DTNA: variants seen among roughly 807,000 people sequenced by gnomAD.
DTNA encodes the protein dystrophin-related protein 3.
In DTNA, 43 loss-of-function variants were observed where a neutral mutation model predicts 100.7. The observed-to-expected ratio is 0.43, with a 90% CI of 0.33 to 0.55. The LOEUF (loss-of-function observed/expected upper bound fraction) is 0.55. DTNA is among the 20% of genes least tolerant of loss of function. The pLI, the probability that DTNA is intolerant of heterozygous loss-of-function variation, is 0.04. For missense variants in DTNA, 798 were observed against 953.9 expected, an observed-to-expected ratio of 0.84 and a Z score of 2.15; for synonymous variants, 349 against 347.9, an observed-to-expected ratio of 1.00 and a Z score of -0.04.
chr18:34,798,501 C>G (rs1030351705), intron 4 of DTNA, among the ~76,000 whole-genome samples: 2 of 152,164 alleles, frequency 1.3e-5, no homozygotes, highest in African/African-American at 4.8e-5. Flanking sequence ...CTCACCTTCT[C>G]CCTGCTTCCC....
chr18:34,764,086 G>C (rs1302133250), intron 2 of DTNA, among the ~76,000 whole-genome samples: 1 of 152,146 alleles, frequency 6.6e-6, no homozygotes, highest in Non-Finnish European at 1.5e-5. Context: ...ATAGGTTGAA[G>C]TTACAGGGAG....
chr18:34,753,880 G>A (rs1353509322), intron 1 of DTNA, among the ~76,000 whole-genome samples: 1 of 152,138 alleles, frequency 6.6e-6, no homozygotes, highest in Non-Finnish European at 1.5e-5. Flanking sequence ...AGGAGATGAG[G>A]TTATATGAAT....
At chr18:34,653,105 T>G (rs537197266) in intron 1 of DTNA, among the ~76,000 whole-genome samples, 2 of 152,298 alleles carry the variant, frequency 1.3e-5, no homozygotes, top group South Asian at 4.1e-4. Context: ...GAATAGTATG[T>G]TTTTACAGAT....
chr18:34,510,024 A>C (rs192324056), intron 1 of DTNA, among the ~76,000 whole-genome samples: 4 of 151,676 alleles, frequency 2.6e-5, no homozygotes, highest in Admixed American at 1.3e-4. Context: ...ATAGTAGTTT[A>C]AGGGATAAAA....
intron 2 of DTNA, among the ~76,000 whole-genome samples, chr18:34,756,732 G>A (rs1349126986): frequency 6.6e-6 from 1 of 152,204 alleles, no homozygotes; most frequent in Non-Finnish European, 1.5e-5. Context: ...TGCTGTATAA[G>A]TAATTGGTTG....
At chr18:34,603,321 C>T (rs1359721173) in intron 1 of DTNA, among the ~76,000 whole-genome samples, 2 of 151,958 alleles carry the variant, frequency 1.3e-5, no homozygotes, top group African/African-American at 4.8e-5. Flanking sequence ...TATTGCAGCT[C>T]ATGTAATACT....
In DTNA at chr18:34,819,410, C is replaced by T. The variant is rs183603406; in HGVS notation, c.876+1080C>T. Among the ~76,000 whole-genome samples the T allele has an allele frequency of 1.0e-3, 152 of 152,318 alleles. 1 individual carries two copies. The highest frequency in any genetic ancestry group is 9.2e-3 in the Admixed American group (140 of 15,296). On this transcript the variant is annotated intron_variant, in intron 8 of 22. Coordinates refer to ENST00000444659, the MANE Select transcript of DTNA (RefSeq NM_001386795.1). ...ACTTGCCAATTCCAATGCAACTCCTCACTGTTGTTTATGTCATGCTGAGGA... is the reference window on the plus strand; with the variant it reads ...ACTTGCCAATTCCAATGCAACTCCTTACTGTTGTTTATGTCATGCTGAGGA...
intron 1 of DTNA, among the ~76,000 whole-genome samples, chr18:34,752,097 G>T (rs1290428771): frequency 6.6e-6 from 1 of 152,106 alleles, no homozygotes; most frequent in Non-Finnish European, 1.5e-5. Context: ...TAAAATCTAA[G>T]GTTGTAAGCA....
chr18:34,583,868 C>G (rs966195064), intron 1 of DTNA, among the ~76,000 whole-genome samples: 2 of 152,198 alleles, frequency 1.3e-5, no homozygotes, highest in South Asian at 2.1e-4. Flanking sequence ...ACCCCTCTCT[C>G]ACCCTGTAAG....
At chr18:34,710,692 G>T (rs2082728180) in intron 1 of DTNA, among the ~76,000 whole-genome samples, 1 of 152,024 alleles carries the variant, frequency 6.6e-6, no homozygotes, top group South Asian at 2.1e-4. Flanking sequence ...GTGTGTGTGT[G>T]TGTGTGTGTA....
At chr18:34,562,150 GTTTC>G (rs1452063854) in intron 1 of DTNA, among the ~76,000 whole-genome samples, 19 of 152,234 alleles carry the variant, frequency 1.2e-4, no homozygotes, top group African/African-American at 4.6e-4. Flanking sequence ...ATTCCAAACT[GTTTC>G]TTATAATAAA....
chr18:34,863,680 G>A (rs2096658908), intron 16 of DTNA, among the ~76,000 whole-genome samples: 1 of 152,176 alleles, frequency 6.6e-6, no homozygotes, highest in Non-Finnish European at 1.5e-5. Flanking sequence ...TACATAGTAA[G>A]CATTCAGAAA....
At chr18:34,751,429 T>G (rs73424207) in intron 1 of DTNA, among the ~76,000 whole-genome samples, 5,008 of 152,244 alleles carry the variant, frequency 0.033, 284 homozygotes, top group African/African-American at 0.11. Context: ...AATTTCCTAC[T>G]TAAACCTTGG....
chr18:34,791,929 G>A (rs529198908), intron 3 of DTNA, among the ~76,000 whole-genome samples: 18 of 152,278 alleles, frequency 1.2e-4, no homozygotes, highest in Admixed American at 1.1e-3. Context: ...TGCACTTGTC[G>A]TAGAAGAGCC....
chr18:34,591,652 T>C (rs1194035092), intron 1 of DTNA, among the ~76,000 whole-genome samples: 1 of 152,218 alleles, frequency 6.6e-6, no homozygotes, highest in Admixed American at 6.5e-5. Context: ...GCTTTATTTC[T>C]TCCCATTTAT....
chr18:34,531,148 C>T (rs2043102956), intron 1 of DTNA, among the ~76,000 whole-genome samples: 1 of 152,110 alleles, frequency 6.6e-6, no homozygotes, highest in Non-Finnish European at 1.5e-5. Context: ...ACATGAGAAA[C>T]ATAGTTTTCC....
intron 1 of DTNA, among the ~76,000 whole-genome samples, chr18:34,494,380 C>T (rs906730448): frequency 1.0e-3 from 8 of 7,996 alleles, no homozygotes; most frequent in Admixed American, 9.9e-4. Context: ...GCGGCGGGGG[C>T]GGGTGGGCAC....
At chr18:34,876,597 T>TA (rs2150340133) in intron 18 of DTNA, among the ~76,000 whole-genome samples, 1 of 152,224 alleles carries the variant, frequency 6.6e-6, no homozygotes, top group South Asian at 2.1e-4. Flanking sequence ...CCTAGAAGAT[T>TA]AAAAAAATGT....
At chr18:34,836,222 T>C (rs754712504) in intron 11 of DTNA, among the ~76,000 whole-genome samples, 14 of 152,308 alleles carry the variant, frequency 9.2e-5, no homozygotes, top group Non-Finnish European at 1.8e-4. Context: ...CAGAAAATGA[T>C]GGCTGAAGGT....
Sources: gnomAD v4.1 joint callset for allele counts (sites outside exome capture counted in the v4.1 genomes callset) on GRCh38, gnomAD v4.1.1 for gene constraint, MANE v1.5 for transcripts, NCBI Gene and HGNC (gene_info 2026-07-23, HGNC 2026-07-21) for gene names.